CHRM3: variants seen among roughly 807,000 people sequenced by gnomAD.
CHRM3 encodes cholinergic receptor muscarinic 3.
A neutral mutation model predicts 41.8 loss-of-function variants in CHRM3; 11 were observed. That is an observed-to-expected ratio of 0.26 (90% CI 0.17 to 0.44). The LOEUF is 0.44. CHRM3 is among the 20% of genes least tolerant of loss of function. The pLI is 1.00. For synonymous variants in CHRM3, 297 were observed against 301.4 expected, an observed-to-expected ratio of 0.99 and a Z score of 0.15; for missense variants, 571 against 745.4, an observed-to-expected ratio of 0.77 and a Z score of 2.72.
Position 239,656,604 on chromosome 1 carries a change from G to A in CHRM3, c.-249-21582G>A, listed in dbSNP as rs1009574205. On this transcript the variant is annotated intron_variant, in intron 4 of 6. Transcript: ENST00000676153. ...TGCAGTGAGTCATGATCACACCACT[G>A]CACTGCAACCTGTGCAACAGAGCGA... is the stretch of plus-strand genomic sequence containing the variant. 3.9e-5 allele frequency among the ~76,000 whole-genome samples: 6 copies of A among 152,060 alleles called. No homozygotes were observed. In the East Asian group the frequency reaches 1.2e-3, roughly 29 times the overall value.
At chr1:239,828,251 T>A in intron 6 of CHRM3, among the ~76,000 whole-genome samples, 1 of 152,030 alleles carries the variant, frequency 6.6e-6, no homozygotes, top group East Asian at 1.9e-4. Context: ...CACACATAGA[T>A]ATACATACAC....
intron 6 of CHRM3, among the ~76,000 whole-genome samples, chr1:239,863,072 A>G (rs1205734352): frequency 6.6e-6 from 1 of 152,198 alleles, no homozygotes; most frequent in Non-Finnish European, 1.5e-5. Flanking sequence ...TTTCTAGTCT[A>G]GTTGTGAGCA....
chr1:239,723,349 A>G (rs1313605094), intron 5 of CHRM3, among the ~76,000 whole-genome samples: 1 of 151,936 alleles, frequency 6.6e-6, no homozygotes, highest in Non-Finnish European at 1.5e-5. Context: ...TAATTTTTAA[A>G]TGTCAATGTT....
intron 6 of CHRM3, among the ~76,000 whole-genome samples, chr1:239,863,806 C>T (rs889346033): frequency 1.3e-5 from 2 of 152,082 alleles, no homozygotes; most frequent in African/African-American, 4.8e-5. Flanking sequence ...TGTTATAAAA[C>T]TCACCTAAGA....
At chr1:239,402,910 C>T (rs1660098636) in intron 1 of CHRM3, among the ~76,000 whole-genome samples, 1 of 152,124 alleles carries the variant, frequency 6.6e-6, no homozygotes, top group African/African-American at 2.4e-5. Flanking sequence ...TAGTACTGAG[C>T]ATGAGGCAAA....
At chr1:239,873,808 C>T (rs1384583216) in intron 6 of CHRM3, among the ~76,000 whole-genome samples, 2 of 152,128 alleles carry the variant, frequency 1.3e-5, no homozygotes, top group African/African-American at 4.8e-5. Flanking sequence ...ATATCTTGAG[C>T]ACCTCCTGAT....
intron 6 of CHRM3, among the ~76,000 whole-genome samples, chr1:239,905,329 G>T (rs6669810): frequency 6.6e-6 from 1 of 151,900 alleles, no homozygotes; most frequent in Non-Finnish European, 1.5e-5. Context: ...GGTCCTCCCA[G>T]ACATCACCTT....
intron 3 of CHRM3, among the ~76,000 whole-genome samples, chr1:239,575,146 GTT>G (rs1313561085): frequency 2.0e-5 from 3 of 152,138 alleles, no homozygotes; most frequent in African/African-American, 7.2e-5. Context: ...CTCAAGTCTT[GTT>G]TTGTTTTTTC....
chr1:239,616,468 T>G (rs1667648306), intron 3 of CHRM3, among the ~76,000 whole-genome samples: 1 of 152,200 alleles, frequency 6.6e-6, no homozygotes. Flanking sequence ...AGGCATTTAT[T>G]CAGCAGTAAA....
At chr1:239,519,956 C>T (rs2148257318) in intron 2 of CHRM3, among the ~76,000 whole-genome samples, 1 of 152,088 alleles carries the variant, frequency 6.6e-6, no homozygotes, top group African/African-American at 2.4e-5. Context: ...CCCGTGTTAG[C>T]CCGGATGGTC....
At chr1:239,392,785 T>C (rs1218185778) in intron 1 of CHRM3, among the ~76,000 whole-genome samples, 1 of 152,202 alleles carries the variant, frequency 6.6e-6, no homozygotes, top group Admixed American at 6.5e-5. Context: ...AAGGAGCTGC[T>C]AACAGCCTTT....
intron 6 of CHRM3, among the ~76,000 whole-genome samples, chr1:239,893,819 AT>A (rs1477962598): frequency 6.6e-6 from 1 of 150,728 alleles, no homozygotes; most frequent in African/African-American, 2.4e-5. Context: ...TTTTTTTCTC[AT>A]TTCCATAATT....
chr1:239,551,585 T>G lies in CHRM3; in HGVS notation c.-313+5836T>G, dbSNP rs1190495999. Among the ~76,000 whole-genome samples the G allele has an allele frequency of 2.0e-5, 3 of 152,168 alleles. No individual in the cohort carries two copies. The East Asian group carries it at 5.8e-4, about 29-fold the overall frequency. On this transcript the variant is annotated intron_variant, in intron 3 of 6. Coordinates refer to ENST00000676153, the MANE Select transcript of CHRM3 (RefSeq NM_001375978.1). The stretch of plus-strand genomic sequence containing the variant: ...AGCTATACATCACTCAGAGGAGGAC[T>G]TAAACTTGTTTGATTTAAATGTTTC...
chr1:239,897,517 A>G (rs1380742923), intron 6 of CHRM3, among the ~76,000 whole-genome samples: 1 of 152,198 alleles, frequency 6.6e-6, no homozygotes. Flanking sequence ...ACTGTTCTTT[A>G]TCCTCCACTA....
At chr1:239,846,409 C>T (rs1488718056) in intron 6 of CHRM3, among the ~76,000 whole-genome samples, 1 of 152,052 alleles carries the variant, frequency 6.6e-6, no homozygotes, top group African/African-American at 2.4e-5. Flanking sequence ...CAGACTTTAT[C>T]GAAATTCAAT....
rs546913881 is a variant in CHRM3 at position 239,478,386 on chromosome 1, G to A, written c.-520-14323G>A. ...AAATAGACACTAACAAAATGTTGAA[G>A]CAGCAATGACTTTGATCATCTAAAA... On this transcript the variant is annotated intron_variant, in intron 1 of 6. Coordinates refer to ENST00000676153, the MANE Select transcript of CHRM3 (RefSeq NM_001375978.1). Among the ~76,000 whole-genome samples the A allele has an allele frequency of 3.9e-5, 6 of 152,244 alleles. No individual in the cohort carries two copies. The South Asian group carries it at 1.2e-3, about 32-fold the overall frequency.
Position 239,824,961 on chromosome 1 carries a change from C to T in CHRM3, c.-146-2291C>T, listed in dbSNP as rs138049177. 1.5e-4 allele frequency among the ~76,000 whole-genome samples: 23 copies of T among 152,338 alleles called. 1 individual carries two copies. The highest frequency in any genetic ancestry group is 6.2e-4 in the South Asian group (3 of 4,822). ...AGCCTTCTCAACTTTAGCCCATCTT[C>T]ATCAGTGGCAATCATCCTTAGCAGT... On this transcript the variant is annotated intron_variant, in intron 5 of 6. Transcript: ENST00000676153.
chr1:239,781,685 G>T (rs1172037504), intron 5 of CHRM3, among the ~76,000 whole-genome samples: 2 of 152,028 alleles, frequency 1.3e-5, no homozygotes, highest in Non-Finnish European at 2.9e-5. Context: ...GGACATCCTT[G>T]CCTTGTACAT....
intron 5 of CHRM3, among the ~76,000 whole-genome samples, chr1:239,821,266 T>G (rs1672023070): frequency 6.6e-6 from 1 of 152,228 alleles, no homozygotes; most frequent in South Asian, 2.1e-4. Context: ...ATGAGACATA[T>G]ACACATTGAT....
Sources: allele counts gnomAD v4.1 joint callset (sites outside exome capture counted in the v4.1 genomes callset), GRCh38; gene constraint gnomAD v4.1.1; transcripts MANE v1.5; gene names NCBI Gene and HGNC (gene_info 2026-07-23, HGNC 2026-07-21).